NBAS: variants seen among roughly 807,000 people sequenced by gnomAD.
NBAS encodes the protein NBAS subunit of NRZ tethering complex.
In NBAS, 219 loss-of-function variants were observed where a neutral mutation model predicts 302.5. The ratio of observed to expected loss-of-function variants is 0.72; its 90% CI spans 0.65 to 0.81. NBAS has a LOEUF of 0.81. Among genes scored for constraint, NBAS ranks in the 30% least tolerant of loss-of-function variants. The probability of loss-of-function intolerance (pLI) is 0.00; values close to 1 mark genes in which losing one functional copy is unlikely to be tolerated. For synonymous variants in NBAS, 1,118 were observed against 1,021.6 expected (o/e 1.09, Z -1.80); for missense variants, 2,932 against 2,841.6 (o/e 1.03, Z -0.72).
chr2:15,498,682 G>A (rs879632322), intron 11 of NBAS, among the ~76,000 whole-genome samples: 7 of 152,092 alleles, frequency 4.6e-5, no homozygotes, highest in Non-Finnish European at 1.0e-4. Context: ...TCCCTTTGCT[G>A]TTCTCATGAT....
the NBAS span, among the ~76,000 whole-genome samples, chr2:15,127,765 T>C: frequency 3.4e-4 from 52 of 152,178 alleles, no homozygotes; most frequent in Non-Finnish European, 6.5e-4. Context: ...GTAAATGTGG[T>C]GCTGAAGGGG....
At chr2:15,108,084 C>A in the NBAS span, among the ~76,000 whole-genome samples, 1 of 128,030 alleles carries the variant, frequency 7.8e-6, no homozygotes, top group Non-Finnish European at 1.6e-5. Flanking sequence ...ATCCATTCAC[C>A]TGTTGATGCA....
chr2:15,559,504 T>C (rs969904139), intron 1 of NBAS, among the ~76,000 whole-genome samples: 1 of 152,206 alleles, frequency 6.6e-6, no homozygotes, highest in Admixed American at 6.5e-5. Flanking sequence ...AAAAGCACAA[T>C]GGACATACAG....
the NBAS span, among the ~76,000 whole-genome samples, chr2:15,038,164 G>A: frequency 7.0e-6 from 1 of 143,728 alleles, no homozygotes; most frequent in African/African-American, 2.6e-5. Context: ...CCAAGCTGGA[G>A]TGCAGTGGTG....
intron 28 of NBAS, among the ~76,000 whole-genome samples, chr2:15,392,504 A>G (rs557969304): frequency 2.6e-5 from 4 of 152,020 alleles, no homozygotes; most frequent in Non-Finnish European, 4.4e-5. Flanking sequence ...AGATGAAATT[A>G]AGAAAGAAAT....
the NBAS span, among the ~76,000 whole-genome samples, chr2:14,952,573 G>C: frequency 6.6e-6 from 1 of 152,202 alleles, no homozygotes; most frequent in Non-Finnish European, 1.5e-5. Context: ...CTGACGCCCA[G>C]AGGAGGGCAC....
the NBAS span, among the ~76,000 whole-genome samples, chr2:15,094,108 T>C: frequency 6.6e-6 from 1 of 152,206 alleles, no homozygotes; most frequent in African/African-American, 2.4e-5. Flanking sequence ...GGCTTCACAT[T>C]TGATGGCTCT....
chr2:15,333,595 T>A (rs575285606), intron 35 of NBAS, among the ~76,000 whole-genome samples: 1 of 152,196 alleles, frequency 6.6e-6, no homozygotes, highest in East Asian at 1.9e-4. Flanking sequence ...TATCACAAGG[T>A]ATTTTCCAAT....
At chr2:15,510,744 C>CT (rs1307893008) in intron 10 of NBAS, among the ~76,000 whole-genome samples, 2 of 152,176 alleles carry the variant, frequency 1.3e-5, no homozygotes, top group African/African-American at 4.8e-5. Flanking sequence ...AATCTGGACT[C>CT]TAATTCTGCC....
intron 26 of NBAS, among the ~76,000 whole-genome samples, chr2:15,400,239 A>G (rs1676083020): frequency 7.0e-6 from 1 of 143,818 alleles, no homozygotes; most frequent in Non-Finnish European, 1.5e-5. Flanking sequence ...AGAGACAGAG[A>G]AAAAAAAAAA....
the NBAS span, among the ~76,000 whole-genome samples, chr2:14,871,010 A>G: frequency 1.3e-5 from 2 of 152,060 alleles, no homozygotes; most frequent in Admixed American, 6.6e-5. Flanking sequence ...TAAAATAAAA[A>G]CACACTGAAT....
chr2:14,788,697 G>C, the NBAS span, among the ~76,000 whole-genome samples: 1 of 152,122 alleles, frequency 6.6e-6, no homozygotes, highest in Admixed American at 6.5e-5. Flanking sequence ...TGTCTCAGAG[G>C]AGTACCTGGC....
chr2:15,542,628 AAAAT>A (rs1287711966), intron 6 of NBAS, among the ~76,000 whole-genome samples: 10 of 151,586 alleles, frequency 6.6e-5, no homozygotes, highest in South Asian at 2.1e-4. Context: ...GATCAATAAA[AAAAT>A]AAATAAATAA....
In NBAS at chr2:15,260,539, G is replaced by A. The variant is rs114447447; in HGVS notation, c.5724+14945C>T. Among the ~76,000 whole-genome samples, 1,272 of 152,292 alleles carry A rather than the reference G, an allele frequency of 8.4e-3. 15 individuals are homozygous for A. Among genetic ancestry groups the A allele is most frequent in the Non-Finnish European group, 0.014 (946 of 68,024 alleles). Reference sequence around the variant, plus strand: ...GTGAGTTTAGGAGGTGAATGGAGGTGGGTCCTGGGACTTGAAACAAAGGTA... The same window carrying A: ...GTGAGTTTAGGAGGTGAATGGAGGTAGGTCCTGGGACTTGAAACAAAGGTA... On this transcript the variant is annotated intron_variant, in intron 44 of 51. Coordinates refer to ENST00000281513, the MANE Select transcript of NBAS (RefSeq NM_015909.4).
chr2:15,419,352 T>A (rs1677099272), intron 23 of NBAS, among the ~76,000 whole-genome samples: 1 of 149,576 alleles, frequency 6.7e-6, no homozygotes, highest in Admixed American at 6.6e-5. Context: ...TGTGTGTGTG[T>A]GTGTGTGTAG....
intron 35 of NBAS, among the ~76,000 whole-genome samples, chr2:15,348,941 A>G (rs751618096): frequency 3.3e-5 from 5 of 152,194 alleles, no homozygotes; most frequent in Non-Finnish European, 5.9e-5. Flanking sequence ...CGGGGCAATT[A>G]AAGGACTCAA....
chr2:15,029,406 TAC>T, the NBAS span, among the ~76,000 whole-genome samples: 61 of 152,310 alleles, frequency 4.0e-4, no homozygotes, highest in Non-Finnish European at 7.8e-4. Context: ...TCACCACTGT[TAC>T]ACTGACTTTA....
the NBAS span, among the ~76,000 whole-genome samples, chr2:15,058,821 C>G: frequency 1.3e-5 from 2 of 152,112 alleles, no homozygotes; most frequent in African/African-American, 4.8e-5. Context: ...TCTGTTCCAC[C>G]CTTTAGCTGA....
In NBAS at chr2:15,292,777, C is replaced by A. The variant is rs1297443592; in HGVS notation, c.4798-11G>T. On this transcript the variant is annotated splice_polypyrimidine_tract_variant and intron_variant, in intron 40 of 51. Coordinates refer to ENST00000281513, the MANE Select transcript of NBAS (RefSeq NM_015909.4). The stretch of plus-strand genomic sequence containing the variant: ...TTCTTTGGGATCAGCCTATGAAAGA[C>A]ATGGAAAAGAAGACATTTTACCAAC... 1 of 1,613,328 alleles carries A rather than the reference C, an allele frequency of 6.2e-7. No individual in the cohort carries two copies.
Sources: gnomAD v4.1 joint callset for allele counts (sites outside exome capture counted in the v4.1 genomes callset) on GRCh38, gnomAD v4.1.1 for gene constraint, MANE v1.5 for transcripts, NCBI Gene and HGNC (gene_info 2026-07-23, HGNC 2026-07-21) for gene names.